The following SORT1 variants were observed in gnomAD, a reference collection of about 807,000 sequenced individuals.
The protein encoded by SORT1 is sortilin 1, also known as sortilin.
Under a neutral mutation model 101.7 loss-of-function variants are expected in SORT1, and 39 were observed. That is an observed-to-expected ratio of 0.38 (90% CI 0.30 to 0.50). SORT1 has a LOEUF of 0.50. Among genes scored for constraint, SORT1 ranks in the 20% least tolerant of loss-of-function variants. The pLI, the probability that SORT1 is intolerant of heterozygous loss-of-function variation, is 0.90. For missense variants in SORT1, 878 were observed against 1,040.4 expected, an observed-to-expected ratio of 0.84 and a Z score of 2.15; for synonymous variants, 396 against 393.7, an observed-to-expected ratio of 1.01 and a Z score of -0.07.
At chr1:109,368,296 A>C (rs1391316340) in intron 2 of SORT1, among the ~76,000 whole-genome samples, 1 of 149,672 alleles carries the variant, frequency 6.7e-6, no homozygotes, top group Non-Finnish European at 1.5e-5. Context: ...TCTGTCTCAA[A>C]AAAAAAAAAA....
chr1:109,339,847 C>T (rs1010980235), intron 10 of SORT1, among the ~76,000 whole-genome samples: 5 of 152,150 alleles, frequency 3.3e-5, no homozygotes, highest in African/African-American at 1.2e-4. Flanking sequence ...AAGTGTCCAT[C>T]AATGGAGGAA....
chr1:109,344,044 C>G (rs1381647290), intron 8 of SORT1, among the ~76,000 whole-genome samples: 2 of 152,192 alleles, frequency 1.3e-5, no homozygotes, highest in Non-Finnish European at 2.9e-5. Context: ...GCTCAGGATA[C>G]AGACTCTTAA....
rs555998901 is a variant in SORT1, at chr1:109,393,147, T to C, written c.306+4440A>G. On this transcript the variant is annotated intron_variant, in intron 1 of 19. Coordinates refer to ENST00000256637, the MANE Select transcript of SORT1 (RefSeq NM_002959.7). ...AGTCCTGTCAGCTTGGACTCAACCC[T>C]GCCAGAGCCAGCAAACAAACACACG... is the stretch of plus-strand genomic sequence containing the variant. 6.8e-5 allele frequency: 67 copies of C among 985,466 alleles called. 1 individual carries two copies. In the East Asian group the frequency reaches 6.5e-3, roughly 95 times the overall value. 61.0% of individuals were successfully genotyped at this position (985,466 alleles called of 1,614,324 possible).
In SORT1 at chr1:109,313,682, G is replaced by A; in HGVS notation, c.*361C>T. 3.5e-6 allele frequency: 1 copy of A among 288,096 alleles called. No individual in the cohort carries two copies. Among genetic ancestry groups the A allele is most frequent in the Non-Finnish European group, 6.5e-6 (1 of 152,750 alleles). The allele number at this position is 288,096 out of a possible 1,614,324, so 17.8% of individuals were successfully genotyped here. ...GGAGTTGGCAGATGCCCTGGGGCAG[G>A]CGCCATGCAGAACACACAGAAGTGG... On this transcript the variant is annotated 3_prime_UTR_variant, in exon 20 of 20. Transcript: ENST00000256637.
rs147753956 is a variant in SORT1 at position 109,327,027 on chromosome 1, G to T, written c.1608C>A (p.Ala536=). ...TGATAGGACGGCTGCTGTGCTCAAT[G>T]GCCACAATGATGCCTCCAGAATCCA... ...TILDSGGIIV[A]IEHSSRPINV... is the part of the protein sequence containing the mutation. Residue 536 remains alanine (A), a synonymous_variant, in exon 13 of 20, where the codon GCC becomes GCA. Transcript: ENST00000256637. The T allele has an allele frequency of 5.6e-6, 9 of 1,612,364 alleles. No homozygotes were observed. In the African/African-American group the frequency reaches 1.2e-4, roughly 22 times the overall value.
At chr1:109,327,824 A>T (rs1648186630) in intron 11 of SORT1, among the ~76,000 whole-genome samples, 1 of 152,178 alleles carries the variant, frequency 6.6e-6, no homozygotes, top group Non-Finnish European at 1.5e-5. Flanking sequence ...TATAAAATAC[A>T]ATCACCAATT....
At chr1:109,373,482 G>A (rs948603720) in intron 1 of SORT1, among the ~76,000 whole-genome samples, 1 of 152,114 alleles carries the variant, frequency 6.6e-6, no homozygotes, top group Non-Finnish European at 1.5e-5. Flanking sequence ...CTGAAAGGAC[G>A]GCAGAGAACA....
At chr1:109,317,354 TC>T (rs2101528184) in intron 16 of SORT1, among the ~76,000 whole-genome samples, 1 of 152,292 alleles carries the variant, frequency 6.6e-6, no homozygotes, top group African/African-American at 2.4e-5. Flanking sequence ...AACGAAAATT[TC>T]AGTTCCTCGG....
chr1:109,349,935 C>T (rs1649852262), intron 6 of SORT1, among the ~76,000 whole-genome samples: 1 of 152,228 alleles, frequency 6.6e-6, no homozygotes, highest in Non-Finnish European at 1.5e-5. Context: ...AACATCAATT[C>T]TATCAAACTA....
At chr1:109,335,499 A>T (rs1648750486) in intron 11 of SORT1, among the ~76,000 whole-genome samples, 1 of 152,134 alleles carries the variant, frequency 6.6e-6, no homozygotes, top group African/African-American at 2.4e-5. Context: ...TGAGGCTCTT[A>T]AAACAAAACA....
intron 1 of SORT1, among the ~76,000 whole-genome samples, chr1:109,387,397 G>A (rs946290601): frequency 1.3e-5 from 2 of 152,276 alleles, no homozygotes; most frequent in Admixed American, 6.5e-5. Flanking sequence ...AGAGGCTGAG[G>A]CAGGAGGATC....
intron 1 of SORT1, among the ~76,000 whole-genome samples, chr1:109,377,597 T>C (rs1485548471): frequency 5.9e-5 from 9 of 152,236 alleles, no homozygotes; most frequent in Admixed American, 5.9e-4. Flanking sequence ...GTAGTTACCA[T>C]TAACTTCACG....
chr1:109,363,054 T>C (rs1650835498), intron 3 of SORT1, among the ~76,000 whole-genome samples: 1 of 152,180 alleles, frequency 6.6e-6, no homozygotes, highest in African/African-American at 2.4e-5. Flanking sequence ...GACTATGTAA[T>C]ATATTTTAAT....
chr1:109,324,763 A>G (rs981460957), intron 14 of SORT1, 136 bp downstream of exon 14: 5 of 612,096 alleles, frequency 8.2e-6, no homozygotes, highest in Non-Finnish European at 1.1e-5. Flanking sequence ...TTAATCACCC[A>G]CACAGAACAT....
intron 11 of SORT1, among the ~76,000 whole-genome samples, chr1:109,328,936 A>G (rs1648264313): frequency 1.3e-5 from 2 of 152,192 alleles, no homozygotes; most frequent in South Asian, 4.1e-4. Context: ...TGGCTCCTGC[A>G]GATCTACTTA....
At chr1:109,370,326 A>C (rs1303251916) in intron 1 of SORT1, among the ~76,000 whole-genome samples, 1 of 152,176 alleles carries the variant, frequency 6.6e-6, no homozygotes, top group Admixed American at 6.5e-5. Flanking sequence ...TATATTCATT[A>C]AAGAAGATGT....
rs968240346 is a variant in SORT1, at chr1:109,312,124, A to C, written c.*1919T>G. 4 of 152,244 alleles carry C rather than the reference A, an allele frequency of 2.6e-5. No individual in the cohort carries two copies. Among genetic ancestry groups the C allele is most frequent in the African/African-American group, 9.6e-5 (4 of 41,460 alleles). The allele number at this position is 152,244 out of a possible 1,614,324, so 9.4% of individuals were successfully genotyped here. ...TGGTGCATCTGCCCACAGTGAGTAC[A>C]TGCTGGGAGAAAGGTGAGTGGTATA... On this transcript the variant is annotated 3_prime_UTR_variant, in exon 20 of 20. Transcript: ENST00000256637.
intron 1 of SORT1, among the ~76,000 whole-genome samples, chr1:109,376,157 C>G (rs1001849085): frequency 6.6e-6 from 1 of 151,916 alleles, no homozygotes; most frequent in African/African-American, 2.4e-5. Flanking sequence ...GGTGAAACCC[C>G]GTCTCTACTA....
rs758987916 is a variant in SORT1, at chr1:109,311,006, T to G, written c.*3037A>C. On this transcript the variant is annotated 3_prime_UTR_variant, in exon 20 of 20. Coordinates refer to ENST00000256637, the MANE Select transcript of SORT1 (RefSeq NM_002959.7). ...TGGGAAGTCCATTCAGAGGCAGACGTAGATTCTACGTTCCAGTTACGGCTG... is the reference window on the plus strand; with the variant it reads ...TGGGAAGTCCATTCAGAGGCAGACGGAGATTCTACGTTCCAGTTACGGCTG... 1 of 152,186 alleles carries G rather than the reference T, an allele frequency of 6.6e-6. No individual in the cohort carries two copies. The highest frequency in any genetic ancestry group is 1.5e-5 in the Non-Finnish European group (1 of 68,068). 9.4% of individuals were successfully genotyped at this position (152,186 alleles called of 1,614,324 possible). A position where few individuals can be genotyped will look rare whatever the true frequency, so the allele number is the denominator to read the frequency against.
Sources: gnomAD v4.1 joint callset for allele counts (sites outside exome capture counted in the v4.1 genomes callset) on GRCh38, gnomAD v4.1.1 for gene constraint, MANE v1.5 for transcripts, NCBI Gene and HGNC (gene_info 2026-07-23, HGNC 2026-07-21) for gene names.